The following NHSL1 variants were observed in gnomAD, a reference collection of about 807,000 sequenced individuals.
NHSL1 encodes NHS like 1, also known as NHS-like protein 1.
NHSL1 carries 48 observed loss-of-function variants against 95.0 expected under a neutral mutation model. The observed-to-expected ratio is 0.51, with a 90% CI of 0.40 to 0.64. The LOEUF is 0.64. NHSL1 is among the 30% of genes least tolerant of loss of function. The pLI, the probability that NHSL1 is intolerant of heterozygous loss-of-function variation, is 0.00. For missense variants in NHSL1, 1,971 were observed against 2,077.7 expected, an observed-to-expected ratio of 0.95 and a Z score of 1.00; for synonymous variants, 783 against 833.9, an observed-to-expected ratio of 0.94 and a Z score of 1.05.
At chr6:138,584,167 C>T (rs1222444381) in intron 1 of NHSL1, among the ~76,000 whole-genome samples, 1 of 152,130 alleles carries the variant, frequency 6.6e-6, no homozygotes, top group Non-Finnish European at 1.5e-5. Flanking sequence ...ACTGACTCTG[C>T]AACTAAAGGA....
chr6:138,489,425 T>C (rs1042525149), intron 2 of NHSL1, among the ~76,000 whole-genome samples: 1 of 152,068 alleles, frequency 6.6e-6, no homozygotes, highest in African/African-American at 2.4e-5. Flanking sequence ...GGATTGGAAT[T>C]TAGATGTGAC....
At chr6:138,580,504 G>A (rs969156932) in intron 1 of NHSL1, among the ~76,000 whole-genome samples, 2 of 152,150 alleles carry the variant, frequency 1.3e-5, no homozygotes, top group African/African-American at 2.4e-5. Flanking sequence ...GGGCGGGGAT[G>A]AGGGACGTGG....
At position 138,433,531 on chromosome 6, in the gene NHSL1, C is replaced by G; in HGVS notation, c.814G>C (p.Val272Leu). ...CTGATTCTCCTCATGGAAGGTGGTACGACCTTCACATCCTCCGTCTGACAG... is the reference window on the plus strand; with the variant it reads ...CTGATTCTCCTCATGGAAGGTGGTAGGACCTTCACATCCTCCGTCTGACAG... The part of the protein sequence containing the change: ...SSCQTEDVKV[V>L]PPSMRRIRAQ... Residue 272 changes from valine (V) to leucine (L), a missense_variant, in exon 6 of 8, where the codon GTA (valine) becomes CTA (leucine). Physicochemically the swap from Val to Leu is conservative, Grantham distance 32 (BLOSUM62 1). Around this residue, in one of 3 missense-constraint regions of NHSL1, gnomAD observed 1,602 missense variants for 1,654.5 expected, o/e 0.97. Transcript: ENST00000343505. 2.6e-6 allele frequency: 4 copies of G among 1,551,986 alleles called. No homozygotes were observed. Among genetic ancestry groups the G allele is most frequent in the Non-Finnish European group, 2.6e-6 (3 of 1,147,058 alleles).
intron 1 of NHSL1, among the ~76,000 whole-genome samples, chr6:138,601,365 AC>A (rs1784367545): frequency 6.6e-6 from 1 of 151,920 alleles, no homozygotes; most frequent in South Asian, 2.1e-4. Flanking sequence ...CTGTTAGAAA[AC>A]CCTTTAACCT....
At chr6:138,450,623 C>T (rs897968855) in intron 3 of NHSL1, among the ~76,000 whole-genome samples, 5 of 152,184 alleles carry the variant, frequency 3.3e-5, no homozygotes, top group East Asian at 1.9e-4. Flanking sequence ...AGCACTTCCC[C>T]GTAGGGACAA....
At chr6:138,573,279 C>A (rs1332788867), upstream of NHSL1, among the ~76,000 whole-genome samples, 1 of 152,130 alleles carries the variant, frequency 6.6e-6, no homozygotes, top group African/African-American at 2.4e-5. Context: ...TACAATTCCA[C>A]GGTCCTAGGG....
intron 1 of NHSL1, among the ~76,000 whole-genome samples, chr6:138,679,485 A>C (rs1785486120): frequency 6.6e-6 from 1 of 152,216 alleles, no homozygotes; most frequent in African/African-American, 2.4e-5. Flanking sequence ...TGTTTAGAAG[A>C]TAATGGTGGC....
Position 138,499,411 on chromosome 6 carries a change from A to G in NHSL1, c.-121T>C. On this transcript the variant is annotated 5_prime_UTR_variant, in exon 1 of 8. Transcript: ENST00000343505. ...TAACTTTTTCTTCCCCCGGTCTCAT[A>G]TCCTTAGACATCTGCCCAGGCTGAT... 1 of 1,468,364 alleles carries G rather than the reference A, an allele frequency of 6.8e-7. No homozygotes were observed. Among genetic ancestry groups the G allele is most frequent in the East Asian group, 2.6e-5 (1 of 38,800 alleles). 91.0% of individuals were successfully genotyped at this position (1,468,364 alleles called of 1,614,324 possible).
chr6:138,431,154 G>C lies in NHSL1; in HGVS notation c.3191C>G (p.Pro1064Arg). Residue 1064 changes from proline to arginine, a missense_variant, in exon 6 of 8, where the codon CCC (proline) becomes CGC (arginine). By Grantham distance (103) the Pro-to-Arg change is moderately radical. Transcript: ENST00000343505. This position sits in a 1 kb window ranked among gnomAD's most constrained non-coding sequence, Gnocchi z 4.0. ...TGCTTCCGTGGTTATCAGGGGCATG[G>C]GGGGCCTGCTGGTCTCCTCCTTGGT... ...PSTKEETSRP[P>R]MPLITTEALQ... is the part of the protein sequence containing the mutation. 6.4e-7 allele frequency: 1 copy of C among 1,551,472 alleles called. No homozygotes were observed. Among genetic ancestry groups the C allele is most frequent in the Non-Finnish European group, 8.7e-7 (1 of 1,146,824 alleles).
chr6:138,635,760 A>G (rs139625059), intron 1 of NHSL1, among the ~76,000 whole-genome samples: 73 of 152,226 alleles, frequency 4.8e-4, no homozygotes, highest in Middle Eastern at 3.4e-3. Flanking sequence ...CTACAGAACA[A>G]TATCTCTGAA....
chr6:138,465,724 C>CTTTTTT lies in NHSL1; in HGVS notation c.339+7576_339+7581dup, dbSNP rs61271607. The stretch of plus-strand genomic sequence containing the variant: ...TATCTCCTACACTTTTTTTTCTTTT[C>CTTTTTT]TTTTTTTTTTTTTTTTTGAGACAGA... On this transcript the variant is annotated intron_variant, in intron 3 of 7. Coordinates refer to ENST00000343505, the MANE Select transcript of NHSL1 (RefSeq NM_001144060.2). Among the ~76,000 whole-genome samples, 7 of 132,826 alleles carry CTTTTTT rather than the reference C, an allele frequency of 5.3e-5. 1 individual carries two copies. Among genetic ancestry groups the CTTTTTT allele is most frequent in the Non-Finnish European group, 9.7e-5 (6 of 62,088 alleles). 87.1% of individuals were successfully genotyped at this position (132,826 alleles called of 152,430 possible).
At chr6:138,678,683 T>A (rs1217836411) in intron 1 of NHSL1, among the ~76,000 whole-genome samples, 1 of 152,236 alleles carries the variant, frequency 6.6e-6, no homozygotes, top group Non-Finnish European at 1.5e-5. Flanking sequence ...CTGTGTGACC[T>A]GAGGCAAATT....
At chr6:138,492,374 A>G (rs1780130634) in intron 2 of NHSL1, among the ~76,000 whole-genome samples, 1 of 152,236 alleles carries the variant, frequency 6.6e-6, no homozygotes, top group Admixed American at 6.5e-5. Context: ...AGCTTGCAGT[A>G]GCAAACCTCA....
intron 3 of NHSL1, among the ~76,000 whole-genome samples, chr6:138,460,461 G>C (rs991476294): frequency 6.6e-6 from 1 of 151,886 alleles, no homozygotes; most frequent in Non-Finnish European, 1.5e-5. Context: ...GTTTGTAACT[G>C]TATATATACA....
rs2128197144 is a variant in NHSL1, at chr6:138,431,147, G to A, written c.3198C>T (p.Pro1066=). ...TCTGCAATGCTTCCGTGGTTATCAGGGGCATGGGGGGCCTGCTGGTCTCCT... is the reference window on the plus strand; with the variant it reads ...TCTGCAATGCTTCCGTGGTTATCAGAGGCATGGGGGGCCTGCTGGTCTCCT... The part of the protein sequence containing the change: ...TKEETSRPPM[P]LITTEALQMV... Residue 1066 remains proline (P), a synonymous_variant, in exon 6 of 8, where the codon CCC becomes CCT. Transcript: ENST00000343505. This position sits in a 1 kb window ranked among gnomAD's most constrained non-coding sequence, Gnocchi z 4.0. 1.3e-6 allele frequency: 2 copies of A among 1,551,626 alleles called. No homozygotes were observed. The highest frequency in any genetic ancestry group is 1.7e-6 in the Non-Finnish European group (2 of 1,146,910).
At position 138,623,904 on chromosome 6, in the gene NHSL1, G is replaced by A. The variant is rs185305605; in HGVS notation, c.96+68572C>T. Reference sequence around the variant, plus strand: ...CAAGAGATCCGATGGTTTTATAAGCGTCTGGCATTTCCCCTGCTTGCATTC... The same window carrying A: ...CAAGAGATCCGATGGTTTTATAAGCATCTGGCATTTCCCCTGCTTGCATTC... On this transcript the variant is annotated intron_variant, in intron 1 of 3. Coordinates refer to the NHSL1 transcript ENST00000491526. 2.7e-3 allele frequency among the ~76,000 whole-genome samples: 408 copies of A among 152,240 alleles called. 3 individuals carry two copies. The highest frequency in any genetic ancestry group is 0.01 in the Middle Eastern group (3 of 294).
At chr6:138,550,226 G>A (rs150897105), upstream of NHSL1, among the ~76,000 whole-genome samples, 3 of 152,014 alleles carry the variant, frequency 2.0e-5, no homozygotes, top group East Asian at 5.8e-4. Context: ...GCAACAGAGT[G>A]AGACTCTATC....
chr6:138,513,146 A>G lies in NHSL1; in HGVS notation c.17-16775T>C, dbSNP rs966312065. 2.0e-5 allele frequency among the ~76,000 whole-genome samples: 3 copies of G among 152,186 alleles called. No homozygotes were observed. In the South Asian group the frequency reaches 6.2e-4, roughly 32 times the overall value. On this transcript the variant is annotated intron_variant, in intron 1 of 4. Coordinates refer to the NHSL1 transcript ENST00000342260. Reference sequence around the variant, plus strand: ...TTTGCACAGTGCCAACCTCGGTGCCATGCAAAACCAGCTGTTGTGAAAATG... The same window carrying G: ...TTTGCACAGTGCCAACCTCGGTGCCGTGCAAAACCAGCTGTTGTGAAAATG...
intron 1 of NHSL1, among the ~76,000 whole-genome samples, chr6:138,687,176 A>G (rs1785595322): frequency 6.6e-6 from 1 of 152,116 alleles, no homozygotes; most frequent in African/African-American, 2.4e-5. Context: ...GGCTCACACC[A>G]GTAATCCCAG....
Sources: allele counts gnomAD v4.1 joint callset (sites outside exome capture counted in the v4.1 genomes callset), GRCh38; gene constraint gnomAD v4.1.1; regional missense constraint gnomAD v4.1.1; non-coding constraint Gnocchi (gnomAD v3.1); transcripts MANE v1.5; gene names NCBI Gene and HGNC (gene_info 2026-07-23, HGNC 2026-07-21).